OPCML: variants seen among roughly 807,000 people sequenced by gnomAD.
OPCML encodes the protein opioid-binding protein/cell adhesion molecule.
A neutral mutation model predicts 37.8 loss-of-function variants in OPCML; 13 were observed. The ratio of observed to expected loss-of-function variants is 0.34; its 90% confidence interval spans 0.22 to 0.55. The LOEUF (loss-of-function observed/expected upper bound fraction) is 0.55. Among genes scored for constraint, OPCML ranks in the 20% least tolerant of loss-of-function variants. The pLI is 0.91. For missense variants in OPCML, 341 were observed against 435.6 expected, an observed-to-expected ratio of 0.78 and a Z score of 1.93; for synonymous variants, 176 against 168.8, an observed-to-expected ratio of 1.04 and a Z score of -0.33.
intron 1 of OPCML, among the ~76,000 whole-genome samples, chr11:133,104,237 C>G (rs1949125141): frequency 1.3e-5 from 2 of 152,198 alleles, no homozygotes; most frequent in Non-Finnish European, 1.5e-5. Context: ...GTTGATGAAG[C>G]TTTTCCATGG....
intron 1 of OPCML, among the ~76,000 whole-genome samples, chr11:133,320,035 A>T (rs559127363): frequency 6.6e-6 from 1 of 152,176 alleles, no homozygotes; most frequent in Non-Finnish European, 1.5e-5. Context: ...ATGTTGATGG[A>T]TGCCAGTGGT....
At chr11:133,530,474 C>T (rs1283091441) in intron 1 of OPCML, among the ~76,000 whole-genome samples, 1 of 152,206 alleles carries the variant, frequency 6.6e-6, no homozygotes, top group African/African-American at 2.4e-5. Context: ...TGAGGAGGCC[C>T]CCCGGAGCTG....
chr11:132,759,370 A>G (rs58053627), intron 2 of OPCML, among the ~76,000 whole-genome samples: 3,097 of 152,226 alleles, frequency 0.02, 85 homozygotes, highest in African/African-American at 0.068. Context: ...GTTTTAGAAG[A>G]AATTGTACCA....
At chr11:132,924,780 G>C (rs1376932317) in intron 2 of OPCML, among the ~76,000 whole-genome samples, 1 of 152,120 alleles carries the variant, frequency 6.6e-6, no homozygotes, top group East Asian at 1.9e-4. Context: ...AATGTTCTCT[G>C]AGCATTCCTG....
At chr11:133,089,053 G>A (rs1948863427) in intron 1 of OPCML, among the ~76,000 whole-genome samples, 1 of 152,190 alleles carries the variant, frequency 6.6e-6, no homozygotes, top group Admixed American at 6.5e-5. Flanking sequence ...ATGTGATGGA[G>A]TGATTTGACC....
intron 2 of OPCML, among the ~76,000 whole-genome samples, chr11:132,796,106 T>C (rs1938292344): frequency 6.6e-6 from 1 of 152,200 alleles, no homozygotes. Context: ...AGGATGTGTG[T>C]AGGTTATATG....
intron 1 of OPCML, among the ~76,000 whole-genome samples, chr11:133,057,714 C>T (rs1032497191): frequency 6.9e-4 from 105 of 152,294 alleles, no homozygotes; most frequent in African/African-American, 2.2e-3. Flanking sequence ...CCTGTGAACT[C>T]TGCCCACACC....
intron 1 of OPCML, among the ~76,000 whole-genome samples, chr11:133,253,038 C>T (rs1565530845): frequency 1.3e-5 from 2 of 150,536 alleles, no homozygotes; most frequent in Non-Finnish European, 2.9e-5. Context: ...CCCAGCTACT[C>T]GGGAGGCTGA....
chr11:133,104,277 C>G (rs140856695), intron 1 of OPCML, among the ~76,000 whole-genome samples: 21 of 152,156 alleles, frequency 1.4e-4, no homozygotes, highest in Non-Finnish European at 1.5e-4. Context: ...GTCCAGAGTA[C>G]GGAAGAGTCA....
rs531809383 is a variant in OPCML at position 133,179,481 on chromosome 11, G to A, written c.62-236471C>T. Among the ~76,000 whole-genome samples the A allele has an allele frequency of 3.3e-4, 51 of 152,276 alleles. No individual in the cohort carries two copies. The Middle Eastern group carries it at 0.01, about 30-fold the overall frequency. On this transcript the variant is annotated intron_variant, in intron 1 of 7. Transcript: ENST00000524381. ...TCACCACTCTACAGGGGAAGGGTCTGGTTAACATAGGGAGCGGGGCCCCCT... is the reference window on the plus strand; with the variant it reads ...TCACCACTCTACAGGGGAAGGGTCTAGTTAACATAGGGAGCGGGGCCCCCT...
chr11:132,859,669 A>C (rs1191550425), intron 2 of OPCML: 1 of 152,078 alleles, frequency 6.6e-6, no homozygotes, highest in Non-Finnish European at 1.5e-5. Flanking sequence ...TTGAAAGCAC[A>C]CATGAAATTC....
At chr11:133,175,316 G>A (rs371145548) in intron 1 of OPCML, among the ~76,000 whole-genome samples, 72 of 152,250 alleles carry the variant, frequency 4.7e-4, no homozygotes, top group African/African-American at 1.7e-3. Context: ...TGAGTCCACT[G>A]GAGCCATGAG....
At chr11:133,416,118 G>A (rs1434809594) in intron 1 of OPCML, among the ~76,000 whole-genome samples, 1 of 152,094 alleles carries the variant, frequency 6.6e-6, no homozygotes, top group Admixed American at 6.5e-5. Flanking sequence ...ATTAAATTTG[G>A]AGTATTTTGC....
chr11:133,392,345 T>G (rs1185777728), intron 1 of OPCML, among the ~76,000 whole-genome samples: 2 of 152,218 alleles, frequency 1.3e-5, no homozygotes, highest in Non-Finnish European at 2.9e-5. Flanking sequence ...CACCTTAATC[T>G]GCCATATCTT....
chr11:133,109,552 C>T (rs974473543), intron 1 of OPCML, among the ~76,000 whole-genome samples: 2 of 151,686 alleles, frequency 1.3e-5, no homozygotes, highest in African/African-American at 2.4e-5. Flanking sequence ...AGCTACTGAG[C>T]GCTGATGTGT....
At chr11:133,241,719 G>A (rs1006179393) in intron 1 of OPCML, among the ~76,000 whole-genome samples, 4 of 152,196 alleles carry the variant, frequency 2.6e-5, no homozygotes, top group Admixed American at 2.0e-4. Context: ...CCCAAGATCC[G>A]AAGGGAAGAG....
At chr11:133,011,302 C>G (rs138835067) in intron 1 of OPCML, among the ~76,000 whole-genome samples, 75 of 152,242 alleles carry the variant, frequency 4.9e-4, no homozygotes, top group African/African-American at 1.7e-3. Flanking sequence ...AGAAGAAATT[C>G]TTAGTCACAG....
chr11:132,593,325 G>T (rs1292507703), intron 3 of OPCML, among the ~76,000 whole-genome samples: 1 of 152,154 alleles, frequency 6.6e-6, no homozygotes, highest in Non-Finnish European at 1.5e-5. Flanking sequence ...GTGGAGGCAG[G>T]CAGGGGCACC....
intron 3 of OPCML, among the ~76,000 whole-genome samples, chr11:132,616,061 A>AT (rs568141932): frequency 6.6e-6 from 1 of 152,242 alleles, no homozygotes; most frequent in East Asian, 1.9e-4. Context: ...ACCTCAGGAT[A>AT]TTTTTTTCTG....
Sources: allele counts gnomAD v4.1 joint callset (sites outside exome capture counted in the v4.1 genomes callset), GRCh38; gene constraint gnomAD v4.1.1; transcripts MANE v1.5; gene names NCBI Gene and HGNC (gene_info 2026-07-23, HGNC 2026-07-21).